Variants in STAU2 observed in about 807,000 individuals in gnomAD.
The protein encoded by STAU2 is staufen double-stranded RNA binding protein 2, also known as double-stranded RNA-binding protein Staufen homolog 2.
A neutral mutation model predicts 65.9 loss-of-function variants in STAU2; 20 were observed. The ratio of observed to expected loss-of-function variants is 0.30; its 90% CI spans 0.21 to 0.44. The LOEUF (loss-of-function observed/expected upper bound fraction) is 0.44, where lower values mean the gene tolerates loss of function less well. STAU2 is among the 20% of genes least tolerant of loss of function. The probability of loss-of-function intolerance (pLI) is 1.00; values close to 1 mark genes in which losing one functional copy is unlikely to be tolerated. For synonymous variants in STAU2, 232 were observed against 233.9 expected, an observed-to-expected ratio of 0.99 and a Z score of 0.07; for missense variants, 558 against 683.9, an observed-to-expected ratio of 0.82 and a Z score of 2.05.
At chr8:73,651,746 G>A (rs769216468) in intron 6 of STAU2, 7 of 426,024 alleles carry the variant, frequency 1.6e-5, no homozygotes, top group Non-Finnish European at 3.1e-5. Flanking sequence ...CCTGTCCACG[G>A]GGCCCTGGGG....
At position 73,437,406 on chromosome 8, in the gene STAU2, T is replaced by C. The variant is rs528192629; in HGVS notation, c.1531-14704A>G. On this transcript the variant is annotated intron_variant, in intron 13 of 14. Transcript: ENST00000524300. ...GATGGGTCATTACTGGCTCTGTACT[T>C]GGAGGAAGGGGCCATGAACCCAGGA... is the stretch of plus-strand genomic sequence containing the variant. 1.4e-4 allele frequency among the ~76,000 whole-genome samples: 22 copies of C among 152,070 alleles called. No homozygotes were observed. The East Asian group carries it at 4.1e-3, about 28-fold the overall frequency.
intron 4 of STAU2, among the ~76,000 whole-genome samples, chr8:73,699,342 A>T (rs1338864320): frequency 1.3e-5 from 2 of 152,086 alleles, no homozygotes; most frequent in Non-Finnish European, 1.5e-5. Context: ...GAAATAAATG[A>T]ATTTGAAATG....
intron 4 of STAU2, among the ~76,000 whole-genome samples, chr8:73,702,371 A>G (rs1206626257): frequency 6.6e-6 from 1 of 152,132 alleles, no homozygotes; most frequent in Non-Finnish European, 1.5e-5. Context: ...TCTCAGGTAC[A>G]AAGAGAGATG....
At chr8:73,744,867 T>TA (rs1183917658) in intron 1 of STAU2, among the ~76,000 whole-genome samples, 2 of 152,274 alleles carry the variant, frequency 1.3e-5, no homozygotes, top group Non-Finnish European at 2.9e-5. Context: ...GTATTATTCT[T>TA]ATTCTTGCCA....
intron 12 of STAU2, among the ~76,000 whole-genome samples, chr8:73,553,647 C>T (rs891311356): frequency 2.0e-5 from 3 of 151,956 alleles, no homozygotes; most frequent in Admixed American, 2.0e-4. Flanking sequence ...GCTAGCCCAA[C>T]TCTCCTCTGA....
chr8:73,716,076 A>T (rs1821228118), intron 3 of STAU2, among the ~76,000 whole-genome samples: 1 of 146,440 alleles, frequency 6.8e-6, no homozygotes, highest in Non-Finnish European at 1.5e-5. Flanking sequence ...CACCATGCCC[A>T]GCTAATTTTT....
intron 13 of STAU2, among the ~76,000 whole-genome samples, chr8:73,531,025 TACCCTAGTCACCCTCTA>T (rs1236704995): frequency 6.6e-6 from 1 of 152,144 alleles, no homozygotes; most frequent in Admixed American, 6.5e-5. Flanking sequence ...CAGCTTCCTC[TACCCTAGTCACCCTCTA>T]ACCCTCCAGA....
chr8:73,479,886 A>C (rs1820521363), intron 13 of STAU2, among the ~76,000 whole-genome samples: 1 of 151,972 alleles, frequency 6.6e-6, no homozygotes. Context: ...AAACAAAAAA[A>C]AGCATCCCAC....
chr8:73,536,008 C>T (rs979646867), intron 13 of STAU2, among the ~76,000 whole-genome samples: 2 of 151,988 alleles, frequency 1.3e-5, no homozygotes, highest in Non-Finnish European at 2.9e-5. Context: ...GTGCTTTCTA[C>T]TCAGGAATTA....
At chr8:73,689,949 A>G (rs1172578550) in intron 4 of STAU2, among the ~76,000 whole-genome samples, 1 of 151,882 alleles carries the variant, frequency 6.6e-6, no homozygotes, top group African/African-American at 2.4e-5. Context: ...AGATTATGGG[A>G]CATTCTATAA....
At chr8:73,509,356 G>C (rs890930624) in intron 13 of STAU2, among the ~76,000 whole-genome samples, 2 of 152,086 alleles carry the variant, frequency 1.3e-5, no homozygotes. Context: ...TCTAATTATT[G>C]AGATATAGGA....
chr8:73,643,319 G>A (rs1026777791), intron 6 of STAU2, among the ~76,000 whole-genome samples: 4 of 152,148 alleles, frequency 2.6e-5, no homozygotes, highest in East Asian at 1.9e-4. Context: ...ACAGTACTCC[G>A]TTAAGTATTA....
chr8:73,481,880 G>A (rs1010822587), intron 13 of STAU2, among the ~76,000 whole-genome samples: 4 of 152,060 alleles, frequency 2.6e-5, no homozygotes, highest in East Asian at 1.9e-4. Flanking sequence ...ATAGGGCAGC[G>A]CTTTTGTTTT....
At chr8:73,702,045 G>A (rs1410793711) in intron 4 of STAU2, among the ~76,000 whole-genome samples, 1 of 152,058 alleles carries the variant, frequency 6.6e-6, no homozygotes, top group Admixed American at 6.6e-5. Context: ...AATTCACAGA[G>A]ATAGAGAATA....
At chr8:73,538,149 A>G (rs1806304409) in intron 13 of STAU2, among the ~76,000 whole-genome samples, 1 of 152,188 alleles carries the variant, frequency 6.6e-6, no homozygotes, top group Non-Finnish European at 1.5e-5. Context: ...TGGATTCTGG[A>G]CCAGAAAAAG....
In STAU2 at chr8:73,655,937, T is replaced by C. The variant is rs550395199; in HGVS notation, c.410+17170A>G. 1.4e-3 allele frequency among the ~76,000 whole-genome samples: 201 copies of C among 143,056 alleles called. 2 individuals carry two copies. Among genetic ancestry groups the C allele is most frequent in the Non-Finnish European group, 2.4e-3 (153 of 64,714 alleles). 93.9% of individuals were successfully genotyped at this position (143,056 alleles called of 152,430 possible). On this transcript the variant is annotated intron_variant, in intron 6 of 14. Coordinates refer to ENST00000524300, the MANE Select transcript of STAU2 (RefSeq NM_001164380.2). ...TGCTGGGATTACAGGCATGAGCCAC[T>C]GCGCTGGGCTAATTTTTTTGTATTT...
chr8:73,480,156 C>T (rs2128909869), intron 13 of STAU2, among the ~76,000 whole-genome samples: 1 of 152,224 alleles, frequency 6.6e-6, no homozygotes, highest in African/African-American at 2.4e-5. Flanking sequence ...ACCCAATTCT[C>T]CAGTCTTCTA....
intron 10 of STAU2, among the ~76,000 whole-genome samples, chr8:73,598,245 T>TG (rs1017879100): frequency 4.2e-5 from 6 of 142,218 alleles, no homozygotes; most frequent in East Asian, 2.0e-4. Context: ...TTTTTTTTTT[T>TG]GGGATGGAGT....
At chr8:73,519,879 G>A (rs1158833126) in intron 13 of STAU2, among the ~76,000 whole-genome samples, 1 of 152,196 alleles carries the variant, frequency 6.6e-6, no homozygotes, top group Non-Finnish European at 1.5e-5. Flanking sequence ...GAGATCTTGG[G>A]AGACAGCTTG....
Sources: gnomAD v4.1 joint callset for allele counts (sites outside exome capture counted in the v4.1 genomes callset) on GRCh38, gnomAD v4.1.1 for gene constraint, MANE v1.5 for transcripts, NCBI Gene and HGNC (gene_info 2026-07-23, HGNC 2026-07-21) for gene names.